The following RBM27 variants were observed in gnomAD, a reference collection of about 807,000 sequenced individuals.
RBM27 encodes the protein RNA-binding protein 27.
In RBM27, 22 loss-of-function variants were observed where a neutral mutation model predicts 135.3. That is an observed-to-expected ratio of 0.16 (90% CI 0.12 to 0.23). The LOEUF is 0.23. RBM27 is among the 10% of genes least tolerant of loss of function. RBM27 has a pLI of 1.00. For synonymous variants in RBM27, 481 were observed against 442.4 expected, an observed-to-expected ratio of 1.09 and a Z score of -1.10; for missense variants, 1,009 against 1,281.0, an observed-to-expected ratio of 0.79 and a Z score of 3.24.
intron 8 of RBM27, among the ~76,000 whole-genome samples, chr5:146,243,008 G>C (rs369088608): frequency 5.9e-5 from 9 of 152,118 alleles, no homozygotes; most frequent in African/African-American, 2.2e-4. Context: ...GCTCATGCCT[G>C]TAATCCCAGC....
intron 9 of RBM27, among the ~76,000 whole-genome samples, chr5:146,252,694 G>A (rs888381684): frequency 6.6e-6 from 1 of 152,164 alleles, no homozygotes; most frequent in African/African-American, 2.4e-5. Context: ...CAGGGAAGCT[G>A]TTACTTTACA....
intron 8 of RBM27, among the ~76,000 whole-genome samples, chr5:146,238,997 T>G (rs1757288243): frequency 6.6e-6 from 1 of 152,182 alleles, no homozygotes; most frequent in Non-Finnish European, 1.5e-5. Flanking sequence ...CTATAAGGAT[T>G]CATTATTATA....
intron 19 of RBM27, among the ~76,000 whole-genome samples, chr5:146,277,989 A>G (rs1254313133): frequency 4.6e-5 from 7 of 152,190 alleles, no homozygotes; most frequent in Non-Finnish European, 8.8e-5. Flanking sequence ...TGCTTTAGGT[A>G]AATTCCTAGG....
chr5:146,271,413 A>T, intron 18 of RBM27, 70 bp from the exon 19 acceptor site: 2 of 1,414,388 alleles, frequency 1.4e-6, no homozygotes, highest in Non-Finnish European at 1.9e-6. Context: ...AAAAAAAAAA[A>T]AAGTTTTCCT....
At position 146,269,415 on chromosome 5, in the gene RBM27, C is replaced by T. The variant is rs75760258; in HGVS notation, c.2527-5C>T. 3.6e-3 allele frequency: 5,552 copies of T among 1,536,532 alleles called. 49 individuals carry two copies. The highest frequency in any genetic ancestry group is 0.034 in the African/African-American group (2,428 of 71,416). On this transcript the variant is annotated splice_region_variant and splice_polypyrimidine_tract_variant and intron_variant, in intron 16 of 20. Coordinates refer to ENST00000265271, the MANE Select transcript of RBM27 (RefSeq NM_018989.2). ...TGGTTTTACCTTTTTCTATTTATTT[C>T]GTAGATGTTAATATCCAAGTTAGAA...
intron 7 of RBM27, among the ~76,000 whole-genome samples, chr5:146,234,530 A>AC (rs397808220): frequency 4.6e-5 from 7 of 151,672 alleles, no homozygotes; most frequent in Non-Finnish European, 8.8e-5. Context: ...AAAAAAAAAA[A>AC]TCAATATGCC....
intron 11 of RBM27, 51 bp downstream of exon 11, chr5:146,258,644 TG>T: frequency 7.2e-7 from 1 of 1,382,428 alleles, no homozygotes; most frequent in Non-Finnish European, 9.5e-7. Context: ...TCGTTTGCAT[TG>T]GTAAATTCAT....
chr5:146,211,326 T>A (rs368082382), intron 1 of RBM27, among the ~76,000 whole-genome samples: 2 of 152,034 alleles, frequency 1.3e-5, no homozygotes, highest in East Asian at 3.8e-4. Context: ...TATTTTGTTA[T>A]AGTAGCCCAA....
rs1414704612 is a variant in RBM27, at chr5:146,288,352, C to T, written c.*2322C>T. On this transcript the variant is annotated 3_prime_UTR_variant, in exon 21 of 21. Coordinates refer to ENST00000265271, the MANE Select transcript of RBM27 (RefSeq NM_018989.2). ...TTTTCAGTAAGGTTTGAGGCCCTTT[C>T]TATAAGTTTTCAGTACACCTTAAAC... The T allele has an allele frequency of 7.2e-5, 11 of 151,946 alleles. No homozygotes were observed. 9.4% of individuals were successfully genotyped at this position (151,946 alleles called of 1,614,324 possible).
chr5:146,238,703 T>C (rs1254760123), intron 8 of RBM27, among the ~76,000 whole-genome samples: 1 of 151,980 alleles, frequency 6.6e-6, no homozygotes, highest in Admixed American at 6.6e-5. Flanking sequence ...ATGGATATGT[T>C]CCTCTTTTAT....
intron 15 of RBM27, 97 bp downstream of exon 15, chr5:146,267,865 G>A (rs1758684674): frequency 1.6e-6 from 2 of 1,235,836 alleles, no homozygotes; most frequent in Admixed American, 2.4e-5. Context: ...TGTTGGCAGG[G>A]CATAACATCA....
intron 2 of RBM27, among the ~76,000 whole-genome samples, chr5:146,219,713 C>T (rs1241523799): frequency 6.6e-6 from 1 of 151,956 alleles, no homozygotes; most frequent in Non-Finnish European, 1.5e-5. Context: ...ACTCATTTTA[C>T]CCTTGCCTGA....
At chr5:146,226,499 C>G (rs564432957) in intron 3 of RBM27, among the ~76,000 whole-genome samples, 2 of 152,216 alleles carry the variant, frequency 1.3e-5, no homozygotes, top group Non-Finnish European at 2.9e-5. Context: ...CTGCCTCAGT[C>G]TCCCAAGTAG....
chr5:146,271,939 C>A (rs1758883437), intron 19 of RBM27, among the ~76,000 whole-genome samples: 1 of 152,172 alleles, frequency 6.6e-6, no homozygotes, highest in Non-Finnish European at 1.5e-5. Flanking sequence ...TATTACATGG[C>A]TTACCAGGCA....
intron 14 of RBM27, among the ~76,000 whole-genome samples, chr5:146,264,370 A>G (rs1230940513): frequency 1.3e-5 from 2 of 151,868 alleles, no homozygotes; most frequent in African/African-American, 4.8e-5. Flanking sequence ...TTTAGTGGAG[A>G]TGGGGTTTCT....
chr5:146,282,630 A>G (rs151093563), intron 19 of RBM27, among the ~76,000 whole-genome samples: 43 of 152,356 alleles, frequency 2.8e-4, no homozygotes, highest in African/African-American at 9.9e-4. Flanking sequence ...TTCAAAGTAT[A>G]TAGGAGAATG....
intron 10 of RBM27, among the ~76,000 whole-genome samples, chr5:146,256,095 A>T (rs965660366): frequency 6.6e-6 from 1 of 151,390 alleles, no homozygotes; most frequent in African/African-American, 2.4e-5. Flanking sequence ...ACCTGAGGTT[A>T]TCCACCTACC....
Position 146,229,729 on chromosome 5 carries a change from A to G in RBM27, c.408A>G (p.Lys136=), listed in dbSNP as rs1210910193. 2 of 1,608,504 alleles carry G rather than the reference A, an allele frequency of 1.2e-6. No individual in the cohort carries two copies. The highest frequency in any genetic ancestry group is 2.2e-5 in the East Asian group (1 of 44,858). The change falls in exon 5 of 21, where the codon AAA becomes AAG. Residue 136 remains lysine, a synonymous_variant. Coordinates refer to ENST00000265271, the MANE Select transcript of RBM27 (RefSeq NM_018989.2). The part of the protein sequence containing the change: ...SESSERRTRE[K]KREDGKWRDY... ...CTGTATATTATAGGACACGTGAGAA[A>G]AAAAGAGAAGACGGGAAATGGAGAG...
chr5:146,256,931 G>A (rs533379442), intron 10 of RBM27, among the ~76,000 whole-genome samples: 18 of 152,160 alleles, frequency 1.2e-4, no homozygotes, highest in Non-Finnish European at 1.8e-4. Flanking sequence ...ATGTTAGCTG[G>A]TAATGATAAA....
Sources: gnomAD v4.1 joint callset for allele counts (sites outside exome capture counted in the v4.1 genomes callset) on GRCh38, gnomAD v4.1.1 for gene constraint, MANE v1.5 for transcripts, NCBI Gene and HGNC (gene_info 2026-07-23, HGNC 2026-07-21) for gene names.